Variants in HABP4 observed in about 807,000 individuals in gnomAD.
HABP4 encodes intracellular hyaluronan-binding protein 4.
HABP4 carries 32 observed loss-of-function variants against 44.1 expected under a neutral mutation model. That is an observed-to-expected ratio of 0.73 (90% confidence interval 0.55 to 0.97). The LOEUF is 0.97. Ranked by LOEUF, HABP4 falls within the 50% of genes least tolerant of loss-of-function variation. The pLI, the probability that HABP4 is intolerant of heterozygous loss-of-function variation, is 0.00. For missense variants in HABP4, 503 were observed against 561.9 expected, an observed-to-expected ratio of 0.90 and a Z score of 1.06; for synonymous variants, 216 against 218.0, an observed-to-expected ratio of 0.99 and a Z score of 0.08.
chr9:96,484,428 A>G (rs763680959), intron 5 of HABP4, 34 bp from the exon 6 acceptor site: 2 of 998,998 alleles, frequency 2.0e-6, no homozygotes, highest in East Asian at 4.8e-5. Flanking sequence ...GTACCATCAA[A>G]AAGTATTCTT....
intron 5 of HABP4, among the ~76,000 whole-genome samples, chr9:96,472,563 C>T (rs772101895): frequency 6.6e-6 from 1 of 151,982 alleles, no homozygotes; most frequent in African/African-American, 2.4e-5. Context: ...GGGCTGCCAT[C>T]CCCCCCGACC....
chr9:96,471,360 C>T (rs1832696069), intron 5 of HABP4, among the ~76,000 whole-genome samples: 2 of 152,022 alleles, frequency 1.3e-5, no homozygotes. Context: ...CCAGGCTGGT[C>T]TCGAACTCCT....
chr9:96,463,536 T>G (rs1832544778), intron 2 of HABP4, among the ~76,000 whole-genome samples: 1 of 152,200 alleles, frequency 6.6e-6, no homozygotes. Flanking sequence ...ATTACAGGCG[T>G]GAGCCACCGA....
intron 2 of HABP4, among the ~76,000 whole-genome samples, chr9:96,459,275 G>A (rs1158468771): frequency 2.0e-5 from 3 of 152,110 alleles, no homozygotes; most frequent in Non-Finnish European, 2.9e-5. Context: ...CTAGCTCCAC[G>A]GTCAGGTCAG....
chr9:96,450,175 C>T lies in HABP4; in HGVS notation c.-105C>T, dbSNP rs905152293. On this transcript the variant is annotated 5_prime_UTR_variant, in exon 1 of 8. Coordinates refer to ENST00000375249, the MANE Select transcript of HABP4 (RefSeq NM_014282.4). This position sits in a 1 kb window ranked among gnomAD's most constrained non-coding sequence, Gnocchi z 4.8. ...GGTAGGGGCCGGACAGGGTAGGGCC[C>T]GGAGGGCGGTGGCGGCGGAGCGGGC... is the stretch of plus-strand genomic sequence containing the variant. 5 of 1,149,678 alleles carry T rather than the reference C, an allele frequency of 4.3e-6. No homozygotes were observed. The highest frequency in any genetic ancestry group is 7.8e-5 in the East Asian group (2 of 25,564). 71.2% of individuals were successfully genotyped at this position (1,149,678 alleles called of 1,614,324 possible). A position where few individuals can be genotyped will look rare whatever the true frequency, so the allele number is the denominator to read the frequency against.
At chr9:96,457,545 G>A (rs528191704) in intron 1 of HABP4, among the ~76,000 whole-genome samples, 15 of 152,310 alleles carry the variant, frequency 9.8e-5, no homozygotes, top group Admixed American at 5.2e-4. Context: ...TGTTTTCAAA[G>A]TAAAAATATA....
rs1392899665 is a variant in HABP4 at position 96,450,256 on chromosome 9, C to T, written c.-24C>T. 5.0e-6 allele frequency: 7 copies of T among 1,398,016 alleles called. No homozygotes were observed. The highest frequency in any genetic ancestry group is 3.2e-5 in the East Asian group (1 of 31,118). The allele number at this position is 1,398,016 out of a possible 1,614,324, so 86.6% of individuals were successfully genotyped here. On this transcript the variant is annotated 5_prime_UTR_variant, in exon 1 of 8. Transcript: ENST00000375249. This position sits in a 1 kb window ranked among gnomAD's most constrained non-coding sequence, Gnocchi z 4.8. ...GACGCGCTCGCGTGGGCTGCCCTCC[C>T]GGGCCCGCAGTGGTCGCGGCGGCAT... is the stretch of plus-strand genomic sequence containing the variant.
intron 1 of HABP4, among the ~76,000 whole-genome samples, chr9:96,457,853 C>G (rs939596830): frequency 6.6e-6 from 1 of 151,964 alleles, no homozygotes; most frequent in Non-Finnish European, 1.5e-5. Flanking sequence ...GGCTGGGTGA[C>G]AGAGCAAGAC....
At chr9:96,455,457 CA>C (rs34929442) in intron 1 of HABP4, among the ~76,000 whole-genome samples, 6,679 of 62,962 alleles carry the variant, frequency 0.11, 665 homozygotes, top group African/African-American at 0.31. Context: ...GAGACTGTCT[CA>C]AAAAAAAAAA....
intron 6 of HABP4, among the ~76,000 whole-genome samples, chr9:96,486,148 C>T (rs1330253235): frequency 6.6e-6 from 1 of 152,118 alleles, no homozygotes; most frequent in South Asian, 2.1e-4. Flanking sequence ...GCCGAGATCA[C>T]GCCATTGCAC....
At chr9:96,457,353 A>C (rs112439581) in intron 1 of HABP4, among the ~76,000 whole-genome samples, 8 of 152,018 alleles carry the variant, frequency 5.3e-5, no homozygotes, top group African/African-American at 1.9e-4. Context: ...AAAAAAAAAC[A>C]CAAGAACAAA....
intron 4 of HABP4, among the ~76,000 whole-genome samples, chr9:96,468,990 G>A (rs1180890595): frequency 6.6e-6 from 1 of 152,202 alleles, no homozygotes; most frequent in African/African-American, 2.4e-5. Context: ...TGTATTAAAG[G>A]TGTAAGGGCT....
chr9:96,465,570 A>G lies in HABP4; in HGVS notation c.674+72A>G. ...ACGTGGTATGAATCTATTATGTGTTAATATTTAGTTAACTTTATAGTACTG... is the reference window on the plus strand; with the variant it reads ...ACGTGGTATGAATCTATTATGTGTTGATATTTAGTTAACTTTATAGTACTG... On this transcript the variant is annotated intron_variant, in intron 3 of 7. Coordinates refer to ENST00000375249, the MANE Select transcript of HABP4 (RefSeq NM_014282.4). 4 of 1,212,730 alleles carry G rather than the reference A, an allele frequency of 3.3e-6. No individual in the cohort carries two copies. In the Admixed American group the frequency reaches 6.8e-5, roughly 21 times the overall value. 75.1% of individuals were successfully genotyped at this position (1,212,730 alleles called of 1,614,324 possible).
chr9:96,450,599 A>G lies in HABP4; in HGVS notation c.320A>G (p.Asp107Gly), dbSNP rs1290752923. 1 of 1,284,298 alleles carries G rather than the reference A, an allele frequency of 7.8e-7. No individual in the cohort carries two copies. Among genetic ancestry groups the G allele is most frequent in the Non-Finnish European group, 9.8e-7 (1 of 1,015,852 alleles). 79.6% of individuals were successfully genotyped at this position (1,284,298 alleles called of 1,614,324 possible). ...CCGGCGCCCGTCGCTCAGCGGCCCG[A>G]TAGCCCCGGGGGCGGCCTGCAGGCG... ...SLPAPVAQRP[D>G]SPGGGLQAPG... is the part of the protein sequence containing the mutation. Residue 107 changes from aspartate (D) to glycine (G), a missense_variant, in exon 1 of 8, where the codon GAT becomes GGT. By Grantham distance (94) the Asp-to-Gly change is moderately conservative (BLOSUM62 -1). Around this residue, in one of 3 missense-constraint regions of HABP4, gnomAD observed 290 missense variants for 300.5 expected, o/e 0.97. Coordinates refer to ENST00000375249, the MANE Select transcript of HABP4 (RefSeq NM_014282.4). The surrounding 1 kb of genome is among the most constrained non-coding windows in gnomAD (Gnocchi z 4.8).
At chr9:96,465,982 A>T (rs1390980894) in intron 4 of HABP4, among the ~76,000 whole-genome samples, 2 of 152,226 alleles carry the variant, frequency 1.3e-5, no homozygotes, top group African/African-American at 4.8e-5. Flanking sequence ...TGCTTTTAAA[A>T]TTCTATTACT....
chr9:96,487,129 G>A (rs147673526), intron 6 of HABP4, among the ~76,000 whole-genome samples: 1,548 of 152,004 alleles, frequency 0.01, 46 homozygotes, highest in Middle Eastern at 0.058. Flanking sequence ...ACCTCAAAGG[G>A]GACACAAATG....
intron 1 of HABP4, among the ~76,000 whole-genome samples, chr9:96,452,059 C>G (rs1043639123): frequency 6.6e-5 from 10 of 151,976 alleles, no homozygotes; most frequent in African/African-American, 2.2e-4. Flanking sequence ...AATCCCGTCT[C>G]TATTACAAAT....
intron 1 of HABP4, among the ~76,000 whole-genome samples, chr9:96,456,777 AAAAATATATATATATATATATATATAT>A (rs1293533334): frequency 1.6e-5 from 1 of 64,452 alleles, no homozygotes; most frequent in African/African-American, 6.7e-5. Flanking sequence ...AAAAAAAAAA[AAAAATATATATATATATATATATATAT>A]ATATATATAT....
rs765332763 is a variant in HABP4 at position 96,488,225 on chromosome 9, G to A, written c.1136G>A (p.Arg379Gln). 27 of 1,613,216 alleles carry A rather than the reference G, an allele frequency of 1.7e-5. No individual in the cohort carries two copies. The highest frequency in any genetic ancestry group is 1.6e-4 in the Middle Eastern group (1 of 6,082). Reference protein sequence around the residue: ...RGARGGTRGGRGRIRRAENYG... With the variant: ...RGARGGTRGGQGRIRRAENYG... ...GCCAGAGGAGGCACCCGGGGAGGCC[G>A]GGGAAGGATCAGGAGGGCAGAGAAC... The change falls in exon 7 of 8, where the codon CGG becomes CAG. Residue 379 changes from arginine (R) to glutamine (Q), a missense_variant. Physicochemically the swap from Arg to Gln is conservative, Grantham distance 43. This residue lies in a region of HABP4 where 82 missense variants were observed against 71.6 expected (regional missense o/e 1.15). Transcript: ENST00000375249. The surrounding 1 kb of genome is among the most constrained non-coding windows in gnomAD (Gnocchi z 4.6).
Sources: allele counts gnomAD v4.1 joint callset (sites outside exome capture counted in the v4.1 genomes callset), GRCh38; gene constraint gnomAD v4.1.1; regional missense constraint gnomAD v4.1.1; non-coding constraint Gnocchi (gnomAD v3.1); transcripts MANE v1.5; gene names NCBI Gene and HGNC (gene_info 2026-07-23, HGNC 2026-07-21).